The following KIF15 variants were observed in gnomAD, a reference collection of about 807,000 sequenced individuals.
KIF15 encodes the protein kinesin family member 15.
KIF15 carries 140 observed loss-of-function variants against 190.6 expected under a neutral mutation model. The ratio of observed to expected loss-of-function variants is 0.73; its 90% CI spans 0.64 to 0.84. The LOEUF is 0.84. Ranked by LOEUF, KIF15 falls within the 40% of genes least tolerant of loss-of-function variation. The pLI is 0.00. For missense variants in KIF15, 1,372 were observed against 1,584.4 expected, an observed-to-expected ratio of 0.87 and a Z score of 2.28; for synonymous variants, 528 against 551.3, an observed-to-expected ratio of 0.96 and a Z score of 0.59.
chr3:44,802,743 T>A, intron 13 of KIF15, 71 bp from the exon 14 acceptor site: 1 of 1,444,838 alleles, frequency 6.9e-7, no homozygotes, highest in African/African-American at 1.4e-5. Flanking sequence ...TTCTAATGGC[T>A]TTTTAGAGGA....
intron 1 of KIF15, among the ~76,000 whole-genome samples, chr3:44,772,155 G>A (rs1705669921): frequency 6.6e-6 from 1 of 152,250 alleles, no homozygotes; most frequent in East Asian, 1.9e-4. Context: ...TCCAGTAGCT[G>A]TAAGATTTTC....
intron 11 of KIF15, 23 bp from the exon 12 acceptor site, chr3:44,801,424 TCCC>T: frequency 7.3e-7 from 1 of 1,367,500 alleles, no homozygotes; most frequent in Non-Finnish European, 1.0e-6. Context: ...TTTTTCATCT[TCCC>T]TTTCTTATTG....
intron 20 of KIF15, among the ~76,000 whole-genome samples, chr3:44,817,145 T>C (rs1708065984): frequency 1.3e-5 from 2 of 152,198 alleles, no homozygotes; most frequent in Admixed American, 1.3e-4. Context: ...TATTAGCCCT[T>C]TGTCAGATGG....
intron 30 of KIF15, among the ~76,000 whole-genome samples, chr3:44,847,418 T>G (rs746182801): frequency 6.6e-6 from 1 of 152,222 alleles, no homozygotes; most frequent in African/African-American, 2.4e-5. Flanking sequence ...CTTTATATAT[T>G]GGAACATTCC....
In KIF15 at chr3:44,786,473, T is replaced by C; in HGVS notation, c.538T>C (p.Ser180Pro). 6.2e-7 allele frequency: 1 copy of C among 1,614,060 alleles called. No homozygotes were observed. ...CGAGCAGATATATGATCTACTGGACTCTGCATCGGCTGGACTGTACTTAAG... is the reference window on the plus strand; with the variant it reads ...CGAGCAGATATATGATCTACTGGACCCTGCATCGGCTGGACTGTACTTAAG... The part of the protein sequence containing the change: ...YNEQIYDLLD[S>P]ASAGLYLREH... Residue 180 changes from serine (S) to proline (P), a missense_variant, in exon 7 of 35, where the codon TCT (serine) becomes CCT (proline). By Grantham distance (74) the Ser-to-Pro change is moderately conservative. Coordinates refer to ENST00000326047, the MANE Select transcript of KIF15 (RefSeq NM_020242.3).
chr3:44,840,442 G>A lies in KIF15; in HGVS notation c.3406G>A (p.Ala1136Thr). 6.3e-7 allele frequency: 1 copy of A among 1,596,708 alleles called. No individual in the cohort carries two copies. ...RQLEHVMDSA[A>T]EDPQSPKTPP... ...ACTAGAACATGTGATGGATTCTGCT[G>A]CTGAGGATCCCCAGGTACTTTTCAG... is the stretch of plus-strand genomic sequence containing the variant. Residue 1136 changes from alanine (A) to threonine (T), a missense_variant, in exon 28 of 35, where the codon GCT becomes ACT. By Grantham distance (58) the Ala-to-Thr change is moderately conservative. Coordinates refer to ENST00000326047, the MANE Select transcript of KIF15 (RefSeq NM_020242.3).
chr3:44,789,556 G>T (rs938433960), intron 7 of KIF15, among the ~76,000 whole-genome samples: 8 of 149,504 alleles, frequency 5.4e-5, no homozygotes, highest in Non-Finnish European at 1.2e-4. Context: ...TTTCTTGTCC[G>T]TGTAATCTAT....
At chr3:44,847,303 G>A (rs941052371) in intron 30 of KIF15, among the ~76,000 whole-genome samples, 17 of 152,282 alleles carry the variant, frequency 1.1e-4, no homozygotes, top group South Asian at 4.2e-4. Context: ...GAGGGAGGGA[G>A]GGATGTCTCT....
chr3:44,812,373 C>A, intron 18 of KIF15, 84 bp downstream of exon 18: 1 of 939,582 alleles, frequency 1.1e-6, no homozygotes, highest in Non-Finnish European at 1.7e-6. Flanking sequence ...GATCCTCAAA[C>A]ATCCTTGAGT....
intron 23 of KIF15, 68 bp downstream of exon 23, chr3:44,827,596 C>T (rs1697739487): frequency 1.1e-6 from 1 of 911,774 alleles, no homozygotes; most frequent in Admixed American, 2.3e-5. Flanking sequence ...ACCTAAAAGG[C>T]TTATTATAAT....
At position 44,843,108 on chromosome 3, in the gene KIF15, C is replaced by G. The variant is rs149383695; in HGVS notation, c.3586-17C>G. 1.8e-5 allele frequency: 29 copies of G among 1,574,106 alleles called. No homozygotes were observed. The highest frequency in any genetic ancestry group is 2.5e-5 in the Non-Finnish European group (29 of 1,150,564). On this transcript the variant is annotated splice_polypyrimidine_tract_variant and intron_variant, in intron 29 of 34. Coordinates refer to ENST00000326047, the MANE Select transcript of KIF15 (RefSeq NM_020242.3). ...CTGTAATGTGTTTTTTGAAAAGATA[C>G]GATTTGATGTTATTAGGAGCAGTTG...
intron 20 of KIF15, among the ~76,000 whole-genome samples, chr3:44,825,400 C>A (rs1450160728): frequency 2.0e-5 from 3 of 152,102 alleles, no homozygotes; most frequent in Non-Finnish European, 4.4e-5. Context: ...TATATAATAA[C>A]CTTCTGTACA....
chr3:44,790,820 G>A (rs1706662441), intron 7 of KIF15, among the ~76,000 whole-genome samples: 1 of 151,100 alleles, frequency 6.6e-6, no homozygotes, highest in Non-Finnish European at 1.5e-5. Flanking sequence ...AGCCTCCCGA[G>A]TAGCTGGGAC....
chr3:44,865,876 A>C (rs1221655673), intron 6 of KIF15, among the ~76,000 whole-genome samples: 1 of 152,120 alleles, frequency 6.6e-6, no homozygotes, highest in African/African-American at 2.4e-5. Flanking sequence ...GGGTCTGTTC[A>C]TTCTCCTGGT....
In KIF15 at chr3:44,794,419, G is replaced by C; in HGVS notation, c.842G>C (p.Arg281Thr). 6.3e-7 allele frequency: 1 copy of C among 1,588,848 alleles called. No homozygotes were observed. The change falls in exon 8 of 35, where the codon AGA becomes ACA. Residue 281 changes from arginine to threonine, a missense_variant. Transcript: ENST00000326047. ...RQKDTHAEGM[R>T]LKEAGNINRS... is the part of the protein sequence containing the mutation. ...AAAGATACCCATGCAGAAGGGATGAGATTGAAGGTAAGAATGAAATTATGG... is the reference window on the plus strand; with the variant it reads ...AAAGATACCCATGCAGAAGGGATGACATTGAAGGTAAGAATGAAATTATGG...
chr3:44,775,779 A>G (rs1343834447), intron 3 of KIF15, among the ~76,000 whole-genome samples: 1 of 151,690 alleles, frequency 6.6e-6, no homozygotes, highest in African/African-American at 2.4e-5. Flanking sequence ...GGAACATATA[A>G]GCCTCCAAAT....
intron 24 of KIF15, among the ~76,000 whole-genome samples, 162 bp from the exon 25 acceptor site, chr3:44,829,809 A>G (rs963270729): frequency 6.9e-6 from 1 of 144,790 alleles, no homozygotes; most frequent in Non-Finnish European, 1.5e-5. Flanking sequence ...TAATATATGT[A>G]TATATATTAT....
intron 3 of KIF15, among the ~76,000 whole-genome samples, chr3:44,775,733 T>A (rs1705852311): frequency 6.6e-6 from 1 of 151,734 alleles, no homozygotes; most frequent in South Asian, 2.1e-4. Context: ...GGATTACAGG[T>A]GTGAGCCACC....
intron 16 of KIF15, among the ~76,000 whole-genome samples, chr3:44,809,090 G>A (rs1425034567): frequency 6.6e-6 from 1 of 152,154 alleles, no homozygotes; most frequent in African/African-American, 2.4e-5. Flanking sequence ...CAGCATAGAT[G>A]CATAGATGCA....
Sources: gnomAD v4.1 joint callset for allele counts (sites outside exome capture counted in the v4.1 genomes callset) on GRCh38, gnomAD v4.1.1 for gene constraint, MANE v1.5 for transcripts, NCBI Gene and HGNC (gene_info 2026-07-23, HGNC 2026-07-21) for gene names.